FAM135A: variants seen among roughly 807,000 people sequenced by gnomAD.
FAM135A encodes the protein protein FAM135A.
FAM135A carries 79 observed loss-of-function variants against 146.8 expected under a neutral mutation model. That is an observed-to-expected ratio of 0.54 (90% confidence interval 0.45 to 0.65). FAM135A has a LOEUF of 0.65. Ranked by LOEUF, FAM135A falls within the 30% of genes least tolerant of loss-of-function variation. The probability of loss-of-function intolerance (pLI) is 0.00; values close to 1 mark genes in which losing one functional copy is unlikely to be tolerated. For missense variants in FAM135A, 1,623 were observed against 1,758.2 expected (o/e 0.92, Z 1.38); for synonymous variants, 562 against 603.6 (o/e 0.93, Z 1.01).
intron 4 of FAM135A, among the ~76,000 whole-genome samples, chr6:70,446,365 T>A (rs1293611079): frequency 1.3e-5 from 2 of 152,204 alleles, no homozygotes; most frequent in Non-Finnish European, 2.9e-5. Flanking sequence ...TTCTACCATC[T>A]GACCGTTTTG....
At chr6:70,448,486 C>T (rs1776315539) in intron 4 of FAM135A, among the ~76,000 whole-genome samples, 1 of 152,150 alleles carries the variant, frequency 6.6e-6, no homozygotes, top group Non-Finnish European at 1.5e-5. Flanking sequence ...CTTAGTTCCA[C>T]GTTCTCCAAC....
chr6:70,554,913 C>G (rs191738170), intron 20 of FAM135A, among the ~76,000 whole-genome samples: 1 of 152,302 alleles, frequency 6.6e-6, no homozygotes, highest in East Asian at 1.9e-4. Context: ...AGTGAGCCAC[C>G]ATACCCAGCC....
rs538999292 is a variant in FAM135A, at chr6:70,471,864, AC to A, written c.158-3543del. Among the ~76,000 whole-genome samples the A allele has an allele frequency of 1.2e-4, 18 of 152,164 alleles. No individual in the cohort carries two copies. The South Asian group carries it at 3.7e-3, about 32-fold the overall frequency. Reference sequence around the variant, plus strand: ...AACGCTTAAAAAGAGGAGAAAAGGAACCCAGGAGATCAAAGATTAGGTTTAC... The same window carrying A: ...AACGCTTAAAAAGAGGAGAAAAGGAACCAGGAGATCAAAGATTAGGTTTAC... On this transcript the variant is annotated intron_variant, in intron 5 of 21. Coordinates refer to ENST00000418814, the MANE Select transcript of FAM135A (RefSeq NM_001162529.3).
intron 12 of FAM135A, among the ~76,000 whole-genome samples, chr6:70,520,582 G>A (rs892613419): frequency 3.3e-5 from 5 of 151,818 alleles, no homozygotes; most frequent in Non-Finnish European, 5.9e-5. Flanking sequence ...AATAAGTGAT[G>A]TTGCCAAATA....
chr6:70,504,548 A>G (rs952786885), intron 12 of FAM135A: 4 of 152,238 alleles, frequency 2.6e-5, no homozygotes, highest in African/African-American at 7.2e-5. Context: ...AGATTTTTCA[A>G]TAAATGATGT....
At chr6:70,479,264 G>A (rs1229494921) in intron 8 of FAM135A, among the ~76,000 whole-genome samples, 1 of 152,132 alleles carries the variant, frequency 6.6e-6, no homozygotes, top group Non-Finnish European at 1.5e-5. Flanking sequence ...TTAAATACGT[G>A]CTTCCTCTTG....
At chr6:70,428,770 G>A (rs945295510) in intron 4 of FAM135A, among the ~76,000 whole-genome samples, 3 of 152,252 alleles carry the variant, frequency 2.0e-5, no homozygotes, top group Admixed American at 2.0e-4. Flanking sequence ...AAACATACAT[G>A]ATGAAGCTTA....
At chr6:70,496,501 T>A (rs1787306734) in intron 11 of FAM135A, among the ~76,000 whole-genome samples, 1 of 152,198 alleles carries the variant, frequency 6.6e-6, no homozygotes, top group Non-Finnish European at 1.5e-5. Context: ...AGCTCTTTAG[T>A]TTAATTAGAT....
chr6:70,550,713 A>G (rs1267065060), intron 20 of FAM135A, among the ~76,000 whole-genome samples: 4 of 152,172 alleles, frequency 2.6e-5, no homozygotes, highest in Admixed American at 6.5e-5. Context: ...AGCTGCATTA[A>G]TCCGTAACAA....
intron 10 of FAM135A, among the ~76,000 whole-genome samples, chr6:70,483,380 A>G (rs1012941505): frequency 2.0e-5 from 3 of 152,168 alleles, no homozygotes; most frequent in Admixed American, 2.0e-4. Flanking sequence ...TTTTTTGACC[A>G]TGTATTCATT....
At chr6:70,438,585 T>G (rs1773745810) in intron 4 of FAM135A, among the ~76,000 whole-genome samples, 1 of 152,226 alleles carries the variant, frequency 6.6e-6, no homozygotes, top group Admixed American at 6.5e-5. Context: ...AGTGCTTGTT[T>G]CAGGTAACCC....
In FAM135A at chr6:70,525,828, C is replaced by T; in HGVS notation, c.2744C>T (p.Ser915Leu). 6.2e-7 allele frequency: 1 copy of T among 1,612,418 alleles called. No homozygotes were observed. The highest frequency in any genetic ancestry group is 8.5e-7 in the Non-Finnish European group (1 of 1,179,366). Residue 915 changes from serine to leucine, a missense_variant, in exon 15 of 22, where the codon TCA becomes TTA. By Grantham distance (145) the Ser-to-Leu change is moderately radical. Around this residue, in one of 7 missense-constraint regions of FAM135A, gnomAD observed 1,061 missense variants for 1,113.8 expected, o/e 0.95. Transcript: ENST00000418814. ...ACTGTAGCAATACATTCCTTAAATTCAAGCATTAAAGACCCTTTACAATTT... is the reference window on the plus strand; with the variant it reads ...ACTGTAGCAATACATTCCTTAAATTTAAGCATTAAAGACCCTTTACAATTT... ...NETVAIHSLN[S>L]SIKDPLQFVF... is the part of the protein sequence containing the mutation.
chr6:70,471,666 G>GC (rs1781641238), intron 5 of FAM135A, among the ~76,000 whole-genome samples: 1 of 152,088 alleles, frequency 6.6e-6, no homozygotes, highest in Non-Finnish European at 1.5e-5. Context: ...AAACCACCAT[G>GC]CACACATTTG....
At chr6:70,514,546 C>T (rs1253231842) in intron 12 of FAM135A, among the ~76,000 whole-genome samples, 1 of 152,182 alleles carries the variant, frequency 6.6e-6, no homozygotes, top group Non-Finnish European at 1.5e-5. Flanking sequence ...AAATCAACAA[C>T]TCTTCTTAGA....
intron 20 of FAM135A, among the ~76,000 whole-genome samples, chr6:70,543,972 A>G (rs1474477260): frequency 1.3e-5 from 2 of 152,206 alleles, no homozygotes; most frequent in Non-Finnish European, 2.9e-5. Flanking sequence ...TCAAACACTG[A>G]CTAGGCTACC....
intron 5 of FAM135A, among the ~76,000 whole-genome samples, chr6:70,473,464 A>C (rs913887243): frequency 2.0e-5 from 3 of 152,232 alleles, no homozygotes; most frequent in African/African-American, 4.8e-5. Context: ...AGTTCATATC[A>C]GTACTCTCAG....
chr6:70,513,620 T>C (rs188712767), intron 12 of FAM135A, among the ~76,000 whole-genome samples: 13 of 152,140 alleles, frequency 8.5e-5, no homozygotes, highest in Admixed American at 8.5e-4. Flanking sequence ...TATCTGATAC[T>C]ATTATAAATG....
rs1230935790 is a variant in FAM135A, at chr6:70,495,794, C to T, written c.873+4711C>T. On this transcript the variant is annotated intron_variant, in intron 11 of 21. Coordinates refer to ENST00000418814, the MANE Select transcript of FAM135A (RefSeq NM_001162529.3). The stretch of plus-strand genomic sequence containing the variant: ...TAATGCTATCCTTCCCCTAGCCCCT[C>T]ACCCCCTGACAGGCCCTGGTGTGTG... Among the ~76,000 whole-genome samples the T allele has an allele frequency of 3.9e-5, 6 of 152,234 alleles. No homozygotes were observed. The East Asian group carries it at 1.2e-3, about 29-fold the overall frequency.
chr6:70,467,500 G>A (rs1780693338), intron 5 of FAM135A, among the ~76,000 whole-genome samples: 1 of 151,842 alleles, frequency 6.6e-6, no homozygotes, highest in Non-Finnish European at 1.5e-5. Flanking sequence ...TGTTTTCTTT[G>A]TTCTTTCTTT....
Sources: allele counts gnomAD v4.1 joint callset (sites outside exome capture counted in the v4.1 genomes callset), GRCh38; gene constraint gnomAD v4.1.1; regional missense constraint gnomAD v4.1.1; transcripts MANE v1.5; gene names NCBI Gene and HGNC (gene_info 2026-07-23, HGNC 2026-07-21).